The following MAST4 variants were observed in gnomAD, a reference collection of about 807,000 sequenced individuals.
MAST4 encodes the protein microtubule-associated serine/threonine-protein kinase 4.
In MAST4, 89 loss-of-function variants were observed where a neutral mutation model predicts 162.7. The observed-to-expected ratio is 0.55, with a 90% CI of 0.46 to 0.65. MAST4 has a LOEUF of 0.65. Ranked by LOEUF, MAST4 falls within the 30% of genes least tolerant of loss-of-function variation. MAST4 has a pLI of 0.00. For synonymous variants in MAST4, 1,479 were observed against 1,361.1 expected (o/e 1.09, Z -1.91); for missense variants, 3,153 against 3,374.0 (o/e 0.93, Z 1.62).
intron 2 of MAST4, among the ~76,000 whole-genome samples, chr5:66,782,212 C>T (rs914123913): frequency 6.6e-6 from 1 of 150,850 alleles, no homozygotes; most frequent in African/African-American, 2.4e-5. Flanking sequence ...TCGCTTGAAC[C>T]GAGAAGGTGG....
intron 1 of MAST4, among the ~76,000 whole-genome samples, chr5:66,678,813 A>G (rs1379367413): frequency 7.0e-6 from 1 of 143,292 alleles, no homozygotes; most frequent in Non-Finnish European, 1.5e-5. Context: ...TTTTTTTGAG[A>G]CGGAGGCTCA....
chr5:67,094,782 A>T (rs1479586861), intron 6 of MAST4, among the ~76,000 whole-genome samples: 1 of 152,152 alleles, frequency 6.6e-6, no homozygotes, highest in African/African-American at 2.4e-5. Flanking sequence ...TCCAACTGAG[A>T]AACCACCCAT....
intron 5 of MAST4, among the ~76,000 whole-genome samples, chr5:67,080,475 G>A (rs947887690): frequency 6.6e-6 from 1 of 152,138 alleles, no homozygotes; most frequent in Admixed American, 6.5e-5. Context: ...AGAATCTCAA[G>A]AGTTGTGTGT....
intron 4 of MAST4, among the ~76,000 whole-genome samples, chr5:67,043,266 G>T (rs536623102): frequency 2.0e-5 from 3 of 152,280 alleles, no homozygotes; most frequent in South Asian, 4.1e-4. Context: ...TTTAATTTCT[G>T]TATAGAGAAG....
At chr5:66,607,886 T>C (rs1397012272) in intron 1 of MAST4, among the ~76,000 whole-genome samples, 1 of 152,192 alleles carries the variant, frequency 6.6e-6, no homozygotes, top group Non-Finnish European at 1.5e-5. Context: ...AATTGGTGTT[T>C]TCTGATTTGT....
Position 67,133,524 on chromosome 5 carries a change from A to G in MAST4, c.2104A>G (p.Thr702Ala). Residue 702 changes from threonine (T) to alanine (A), a missense_variant, in exon 17 of 29, where the codon ACC (threonine) becomes GCC (alanine). Transcript: ENST00000403625. The stretch of plus-strand genomic sequence containing the variant: ...CCGTCTGCCTCATAGCTTGTTGGTT[A>G]CCTCCATGGGGCACATAAAGCTGAC... ...RDLKPDNLLV[T>A]SMGHIKLTDF... 6.2e-7 allele frequency: 1 copy of G among 1,612,968 alleles called. No individual in the cohort carries two copies. The highest frequency in any genetic ancestry group is 8.5e-7 in the Non-Finnish European group (1 of 1,179,162).
chr5:66,913,866 G>A (rs71626472), intron 4 of MAST4, among the ~76,000 whole-genome samples: 5,005 of 152,222 alleles, frequency 0.033, 153 homozygotes, highest in African/African-American at 0.076. Context: ...GTCTCTAATC[G>A]TTCCCGCACC....
chr5:66,870,442 G>A lies in MAST4; in HGVS notation c.643-29509G>A, dbSNP rs148889046. ...TGGACTTCATATTCAGAGAAATCAT[G>A]TTCCAGTTTCCCTTAGTATTTTTGA... On this transcript the variant is annotated intron_variant, in intron 3 of 28. Transcript: ENST00000403625. 2.2e-3 allele frequency among the ~76,000 whole-genome samples: 342 copies of A among 152,272 alleles called. 4 individuals are homozygous for A. Among genetic ancestry groups the A allele is most frequent in the African/African-American group, 7.8e-3 (324 of 41,556 alleles).
chr5:67,105,141 C>T (rs186631036), intron 10 of MAST4, among the ~76,000 whole-genome samples: 1 of 152,272 alleles, frequency 6.6e-6, no homozygotes, highest in African/African-American at 2.4e-5. Flanking sequence ...CACTTGATAA[C>T]ACCCAGGACA....
intron 1 of MAST4, among the ~76,000 whole-genome samples, chr5:66,700,728 C>T (rs889092960): frequency 1.3e-4 from 20 of 150,946 alleles, no homozygotes; most frequent in African/African-American, 4.6e-4. Flanking sequence ...ACAACTGACT[C>T]TAAGCAAGTC....
intron 1 of MAST4, among the ~76,000 whole-genome samples, chr5:66,739,807 T>C (rs559153200): frequency 1.3e-5 from 2 of 152,024 alleles, no homozygotes; most frequent in Non-Finnish European, 2.9e-5. Context: ...GTACATGTTT[T>C]TTTTTCTGCC....
intron 3 of MAST4, among the ~76,000 whole-genome samples, chr5:66,865,152 G>A (rs942542299): frequency 2.6e-5 from 4 of 152,208 alleles, no homozygotes; most frequent in African/African-American, 9.7e-5. Context: ...GGTGGATTTG[G>A]TGGGCAAAAG....
intron 5 of MAST4, among the ~76,000 whole-genome samples, chr5:67,084,523 C>A (rs768776066): frequency 6.6e-6 from 1 of 152,116 alleles, no homozygotes; most frequent in Non-Finnish European, 1.5e-5. Flanking sequence ...TAGAAAAAAA[C>A]TATTTTCAGT....
rs368935706 is a variant in MAST4, at chr5:67,007,752, A to G, written c.675-46652A>G. Among the ~76,000 whole-genome samples, 3 of 152,142 alleles carry G rather than the reference A, an allele frequency of 2.0e-5. No homozygotes were observed. The East Asian group carries it at 5.8e-4, about 29-fold the overall frequency. ...ATCATGGAAACTTTTGGTTTGCTAC[A>G]TTACGTTTGCCTTATAGTTCAATGT... On this transcript the variant is annotated intron_variant, in intron 4 of 28. Transcript: ENST00000403625.
intron 2 of MAST4, among the ~76,000 whole-genome samples, chr5:66,760,253 T>C (rs1580386275): frequency 6.6e-6 from 1 of 151,824 alleles, no homozygotes; most frequent in East Asian, 1.9e-4. Context: ...GTAGCTGGGA[T>C]TACAGGCACA....
At chr5:66,884,836 C>T (rs946309893) in intron 3 of MAST4, among the ~76,000 whole-genome samples, 1 of 152,160 alleles carries the variant, frequency 6.6e-6, no homozygotes, top group Non-Finnish European at 1.5e-5. Context: ...CAGAGTTGTG[C>T]CTTCTCACTA....
chr5:66,715,635 C>T (rs1331108583), intron 1 of MAST4, among the ~76,000 whole-genome samples: 3 of 147,782 alleles, frequency 2.0e-5, no homozygotes, highest in East Asian at 4.0e-4. Context: ...TAAACCTGCA[C>T]ATTGTGCACA....
At chr5:66,774,995 CTGTGTGTGTGTGTGTGTG>C (rs33936607) in intron 2 of MAST4, among the ~76,000 whole-genome samples, 8 of 142,028 alleles carry the variant, frequency 5.6e-5, no homozygotes, top group Admixed American at 4.2e-4. Flanking sequence ...TATCCTTTTC[CTGTGTGTGTGTGTGTGTG>C]TGTGTGTGTG....
intron 3 of MAST4, among the ~76,000 whole-genome samples, chr5:66,858,052 G>A (rs905833947): frequency 3.3e-5 from 5 of 152,066 alleles, no homozygotes; most frequent in African/African-American, 1.2e-4. Flanking sequence ...CTCCTCCTGG[G>A]TTCAACTGAT....
Sources: allele counts gnomAD v4.1 joint callset (sites outside exome capture counted in the v4.1 genomes callset), GRCh38; gene constraint gnomAD v4.1.1; transcripts MANE v1.5; gene names NCBI Gene and HGNC (gene_info 2026-07-23, HGNC 2026-07-21).